Variants in MTX2 observed in about 807,000 individuals in gnomAD.
MTX2 encodes the protein metaxin 2.
Under a neutral mutation model 42.3 loss-of-function variants are expected in MTX2, and 35 were observed. That is an observed-to-expected ratio of 0.83 (90% CI 0.63 to 1.10). The LOEUF is 1.10. Among genes scored for constraint, MTX2 ranks in the 50% least tolerant of loss-of-function variants. The probability of loss-of-function intolerance (pLI) is 0.00; values close to 1 mark genes in which losing one functional copy is unlikely to be tolerated. For synonymous variants in MTX2, 119 were observed against 100.9 expected (o/e 1.18, Z -1.08); for missense variants, 307 against 304.1 (o/e 1.01, Z -0.07).
intron 3 of MTX2, among the ~76,000 whole-genome samples, chr2:176,310,654 C>T (rs569840397): frequency 6.6e-4 from 100 of 152,196 alleles, no homozygotes; most frequent in African/African-American, 2.3e-3. Context: ...ATTTGATCTT[C>T]GATCACTGAT....
chr2:176,287,060 T>C (rs1436914688), intron 1 of MTX2, among the ~76,000 whole-genome samples: 2 of 152,208 alleles, frequency 1.3e-5, no homozygotes, highest in African/African-American at 4.8e-5. Context: ...CCTTGTTATA[T>C]GTATACCAGA....
At chr2:176,298,005 A>AT (rs1211827797) in intron 3 of MTX2, 110 bp downstream of exon 3, 4 of 648,642 alleles carry the variant, frequency 6.2e-6, no homozygotes, top group South Asian at 4.5e-5. Flanking sequence ...ATATGTTTAG[A>AT]TTTTTTTCTG....
intron 9 of MTX2, among the ~76,000 whole-genome samples, chr2:176,334,907 T>C (rs1289439356): frequency 6.6e-6 from 1 of 151,978 alleles, no homozygotes; most frequent in East Asian, 1.9e-4. Flanking sequence ...ACCTTTTTAT[T>C]GGTTCATTCA....
At chr2:176,323,874 G>C (rs1333999886) in intron 4 of MTX2, among the ~76,000 whole-genome samples, 1 of 151,566 alleles carries the variant, frequency 6.6e-6, no homozygotes, top group East Asian at 1.9e-4. Context: ...TGGAAGAAGA[G>C]AGATTGTAGA....
chr2:176,290,325 C>T (rs1693298893), intron 1 of MTX2, among the ~76,000 whole-genome samples: 1 of 151,930 alleles, frequency 6.6e-6, no homozygotes, highest in South Asian at 2.1e-4. Flanking sequence ...ATGTGTGTTC[C>T]CCCCGCAAGC....
At chr2:176,333,277 TTTCTC>T (rs1414298455) in intron 9 of MTX2, among the ~76,000 whole-genome samples, 5 of 151,602 alleles carry the variant, frequency 3.3e-5, no homozygotes, top group South Asian at 2.1e-4. Flanking sequence ...AAAGTTGTGT[TTTCTC>T]TTCACGTGAT....
At chr2:176,328,175 C>A in intron 5 of MTX2, 118 bp from the exon 6 acceptor site, 1 of 483,634 alleles carries the variant, frequency 2.1e-6, no homozygotes, top group Non-Finnish European at 3.6e-6. Flanking sequence ...TTTTAGGGGG[C>A]ATTTTGGACG....
chr2:176,312,362 C>T (rs1042076574), intron 3 of MTX2, among the ~76,000 whole-genome samples: 3 of 152,086 alleles, frequency 2.0e-5, no homozygotes, highest in African/African-American at 7.2e-5. Flanking sequence ...TAGACATTGT[C>T]TATGTATACT....
chr2:176,328,963 T>C, intron 7 of MTX2, 51 bp downstream of exon 7: 1 of 1,484,922 alleles, frequency 6.7e-7, no homozygotes, highest in Non-Finnish European at 9.4e-7. Context: ...GAGAAAACAC[T>C]TTTGCTCAGA....
intron 1 of MTX2, among the ~76,000 whole-genome samples, chr2:176,276,190 A>G (rs920219581): frequency 1.3e-5 from 2 of 152,242 alleles, no homozygotes; most frequent in Non-Finnish European, 2.9e-5. Flanking sequence ...TGCAGTTATT[A>G]AAATTACTTA....
chr2:176,314,111 G>A (rs1282481584), intron 3 of MTX2, among the ~76,000 whole-genome samples: 1 of 151,916 alleles, frequency 6.6e-6, no homozygotes, highest in Admixed American at 6.6e-5. Context: ...GTGTTGTAGA[G>A]TCTGTTCCCT....
intron 3 of MTX2, chr2:176,304,437 C>T (rs538076986): frequency 5.3e-5 from 8 of 152,352 alleles, no homozygotes; most frequent in Admixed American, 5.2e-4. Flanking sequence ...TGTTAAACTA[C>T]AAATATGGCT....
intron 3 of MTX2, among the ~76,000 whole-genome samples, chr2:176,307,622 C>T (rs561475837): frequency 4.2e-4 from 64 of 152,162 alleles, no homozygotes; most frequent in Admixed American, 1.6e-3. Flanking sequence ...CCTTCACATC[C>T]CTTGTAAGTT....
At chr2:176,336,029 G>A (rs1420481726) in intron 9 of MTX2, among the ~76,000 whole-genome samples, 1 of 152,082 alleles carries the variant, frequency 6.6e-6, no homozygotes, top group Non-Finnish European at 1.5e-5. Context: ...TAGTATTGGA[G>A]TTCAAATTTG....
chr2:176,284,774 C>T (rs982855823), intron 1 of MTX2, among the ~76,000 whole-genome samples: 1 of 152,216 alleles, frequency 6.6e-6, no homozygotes, highest in Non-Finnish European at 1.5e-5. Flanking sequence ...ACCATTTTCT[C>T]TGAGCTAAAT....
At chr2:176,284,024 A>C (rs568987757) in intron 1 of MTX2, among the ~76,000 whole-genome samples, 5 of 152,274 alleles carry the variant, frequency 3.3e-5, no homozygotes, top group African/African-American at 9.6e-5. Flanking sequence ...AACAATTACA[A>C]GACTCTTCTG....
intron 1 of MTX2, among the ~76,000 whole-genome samples, chr2:176,285,963 A>G (rs1693189489): frequency 6.6e-6 from 1 of 152,196 alleles, no homozygotes; most frequent in Non-Finnish European, 1.5e-5. Flanking sequence ...AAATTGCCAA[A>G]CATTTCATGG....
chr2:176,274,217 G>A (rs1692892424), intron 1 of MTX2, among the ~76,000 whole-genome samples: 1 of 151,866 alleles, frequency 6.6e-6, no homozygotes, highest in African/African-American at 2.4e-5. Context: ...AAAATTACCT[G>A]AAATCATACC....
intron 3 of MTX2, among the ~76,000 whole-genome samples, chr2:176,311,381 T>C (rs1183220685): frequency 6.6e-6 from 1 of 152,194 alleles, no homozygotes; most frequent in Non-Finnish European, 1.5e-5. Flanking sequence ...GAAGAGGCAT[T>C]GTGTCTGTTC....
Sources: allele counts gnomAD v4.1 joint callset (sites outside exome capture counted in the v4.1 genomes callset), GRCh38; gene constraint gnomAD v4.1.1; transcripts MANE v1.5; gene names NCBI Gene and HGNC (gene_info 2026-07-23, HGNC 2026-07-21).